The following STON2 variants were observed in gnomAD, a reference collection of about 807,000 sequenced individuals.
STON2 encodes stonin-2.
A neutral mutation model predicts 65.7 loss-of-function variants in STON2; 29 were observed. The ratio of observed to expected loss-of-function variants is 0.44; its 90% CI spans 0.33 to 0.60. The LOEUF (loss-of-function observed/expected upper bound fraction) is 0.60. Ranked by LOEUF, STON2 falls within the 20% of genes least tolerant of loss-of-function variation. The pLI, the probability that STON2 is intolerant of heterozygous loss-of-function variation, is 0.03. For synonymous variants in STON2, 404 were observed against 414.2 expected (o/e 0.98, Z 0.30); for missense variants, 1,054 against 1,118.1 (o/e 0.94, Z 0.82).
chr14:81,278,812 T>A, intron 5 of STON2, 73 bp from the exon 6 acceptor site: 1 of 1,194,074 alleles, frequency 8.4e-7, no homozygotes, highest in East Asian at 2.4e-5. Context: ...AGTATAGGAA[T>A]GAGGGATTAC....
In STON2 at chr14:81,262,760, T is replaced by C. The variant is rs1023390693; in HGVS notation, c.*5654A>G. On this transcript the variant is annotated 3_prime_UTR_variant, in exon 8 of 8. Transcript: ENST00000614646. ...TTCCAGCAGATTTGCTAAGGCACACTAGAAGAAATGTAAAAATCTCACATT... is the reference window on the plus strand; with the variant it reads ...TTCCAGCAGATTTGCTAAGGCACACCAGAAGAAATGTAAAAATCTCACATT... 3.0e-6 allele frequency: 3 copies of C among 985,274 alleles called. No homozygotes were observed. Among genetic ancestry groups the C allele is most frequent in the Non-Finnish European group, 3.6e-6 (3 of 829,912 alleles). The allele number at this position is 985,274 out of a possible 1,614,324, so 61.0% of individuals were successfully genotyped here.
chr14:81,279,226 T>C (rs1482943391), intron 5 of STON2, among the ~76,000 whole-genome samples: 1 of 152,166 alleles, frequency 6.6e-6, no homozygotes, highest in African/African-American at 2.4e-5. Flanking sequence ...ACATAATGAA[T>C]AAATATTAAA....
intron 5 of STON2, among the ~76,000 whole-genome samples, chr14:81,315,447 CAT>C (rs1187670293): frequency 2.0e-5 from 3 of 152,196 alleles, no homozygotes; most frequent in Non-Finnish European, 4.4e-5. Flanking sequence ...ATTGAAACAT[CAT>C]AAAAAAAACA....
At chr14:81,364,684 G>A (rs546938525) in intron 4 of STON2, among the ~76,000 whole-genome samples, 170 of 152,190 alleles carry the variant, frequency 1.1e-3, no homozygotes, top group African/African-American at 3.8e-3. Context: ...AATTTTCAAA[G>A]TCTTTAATAA....
chr14:81,306,184 T>TATAC (rs1896168914), intron 5 of STON2, among the ~76,000 whole-genome samples: 1 of 147,472 alleles, frequency 6.8e-6, no homozygotes, highest in Non-Finnish European at 1.5e-5. Flanking sequence ...TATATATATA[T>TATAC]ACACTCTATT....
At chr14:81,276,162 C>T (rs147848495) in intron 6 of STON2, among the ~76,000 whole-genome samples, 60 of 152,322 alleles carry the variant, frequency 3.9e-4, no homozygotes, top group African/African-American at 1.3e-3. Flanking sequence ...CTAAATCTCA[C>T]GGGACCCACG....
In STON2 at chr14:81,263,310, G is replaced by A. The variant is rs939934808; in HGVS notation, c.*5104C>T. 8.4e-6 allele frequency: 2 copies of A among 239,252 alleles called. No homozygotes were observed. The highest frequency in any genetic ancestry group is 1.4e-5 in the Non-Finnish European group (2 of 148,050). The allele number at this position is 239,252 out of a possible 1,614,324, so 14.8% of individuals were successfully genotyped here. A position where few individuals can be genotyped will look rare whatever the true frequency, so the allele number is the denominator to read the frequency against. On this transcript the variant is annotated 3_prime_UTR_variant, in exon 8 of 8. Coordinates refer to ENST00000614646, the MANE Select transcript of STON2 (RefSeq NM_001394390.1). Reference sequence around the variant, plus strand: ...TCCTAGCACTCTGGGAGGCTAAGGCGGGTGGATCACCTGAGCTCAGAAGTT... The same window carrying A: ...TCCTAGCACTCTGGGAGGCTAAGGCAGGTGGATCACCTGAGCTCAGAAGTT...
chr14:81,295,898 T>C (rs931898165), intron 5 of STON2, among the ~76,000 whole-genome samples: 4 of 152,216 alleles, frequency 2.6e-5, no homozygotes, highest in African/African-American at 9.7e-5. Context: ...ACCTAAATCC[T>C]GCTGCTACCC....
intron 4 of STON2, among the ~76,000 whole-genome samples, chr14:81,338,509 C>A (rs1214607189): frequency 1.3e-5 from 2 of 152,088 alleles, no homozygotes; most frequent in African/African-American, 2.4e-5. Context: ...AATATAAGTA[C>A]AGTGTTTCTC....
At chr14:81,360,487 A>T (rs1436060618) in intron 4 of STON2, among the ~76,000 whole-genome samples, 3 of 152,118 alleles carry the variant, frequency 2.0e-5, no homozygotes, top group African/African-American at 7.2e-5. Flanking sequence ...TTTAATGATA[A>T]AAAAAATAAC....
chr14:81,399,351 G>A lies in STON2; in HGVS notation c.-198-771C>T, dbSNP rs531922317. On this transcript the variant is annotated intron_variant, in intron 1 of 7. Coordinates refer to ENST00000614646, the MANE Select transcript of STON2 (RefSeq NM_001394390.1). ...GATTTATAATGAATTAATAAAATCT[G>A]AATTTATCTAAAATTAATGTGCTTC... is the stretch of plus-strand genomic sequence containing the variant. 1.2e-4 allele frequency among the ~76,000 whole-genome samples: 19 copies of A among 152,266 alleles called. No homozygotes were observed. In the South Asian group the frequency reaches 3.9e-3, roughly 32 times the overall value.
chr14:81,403,686 T>C (rs1595448942), upstream of STON2, among the ~76,000 whole-genome samples: 1 of 152,196 alleles, frequency 6.6e-6, no homozygotes, highest in Non-Finnish European at 1.5e-5. Context: ...CTATGGCTCC[T>C]ACCTATTTTC....
At chr14:81,332,961 T>A in intron 4 of STON2, 1 of 462,112 alleles carries the variant, frequency 2.2e-6, no homozygotes, top group South Asian at 2.5e-5. Flanking sequence ...GCTAGACACC[T>A]CATTTCTTTT....
chr14:81,324,716 T>C (rs948500587), intron 4 of STON2, among the ~76,000 whole-genome samples: 1 of 152,252 alleles, frequency 6.6e-6, no homozygotes, highest in East Asian at 1.9e-4. Context: ...ATTCTTGAAG[T>C]AGGCATCTAG....
At chr14:81,339,102 G>C (rs1333424222) in intron 4 of STON2, among the ~76,000 whole-genome samples, 1 of 152,116 alleles carries the variant, frequency 6.6e-6, no homozygotes, top group Admixed American at 6.6e-5. Flanking sequence ...AGCAAGAAAG[G>C]GCAGGAGGAA....
chr14:81,352,889 C>G (rs961140019), intron 4 of STON2, among the ~76,000 whole-genome samples: 1 of 152,142 alleles, frequency 6.6e-6, no homozygotes, highest in Non-Finnish European at 1.5e-5. Context: ...AACTGTTGCT[C>G]TTTCTTAGAT....
chr14:81,293,491 G>A (rs1471052894), intron 5 of STON2, among the ~76,000 whole-genome samples: 1 of 152,026 alleles, frequency 6.6e-6, no homozygotes, highest in Non-Finnish European at 1.5e-5. Flanking sequence ...AGTCTTAAAG[G>A]TGCCAAGGTT....
In STON2 at chr14:81,262,280, G is replaced by A; in HGVS notation, c.*6134C>T. 1.0e-6 allele frequency: 1 copy of A among 985,424 alleles called. No homozygotes were observed. Among genetic ancestry groups the A allele is most frequent in the Non-Finnish European group, 1.2e-6 (1 of 829,928 alleles). The allele number at this position is 985,424 out of a possible 1,614,324, so 61.0% of individuals were successfully genotyped here. ...CCCCTTAATAAATCCATTATGGCAT[G>A]CCTATGAGTGACTTTAAATAAACAA... On this transcript the variant is annotated 3_prime_UTR_variant, in exon 8 of 8. Transcript: ENST00000614646.
At chr14:81,348,751 T>G (rs1897911634) in intron 4 of STON2, among the ~76,000 whole-genome samples, 1 of 152,112 alleles carries the variant, frequency 6.6e-6, no homozygotes, top group African/African-American at 2.4e-5. Context: ...AAAACGATCC[T>G]AAAATTCATA....
Sources: allele counts gnomAD v4.1 joint callset (sites outside exome capture counted in the v4.1 genomes callset), GRCh38; gene constraint gnomAD v4.1.1; transcripts MANE v1.5; gene names NCBI Gene and HGNC (gene_info 2026-07-23, HGNC 2026-07-21).